Variants in REV1 observed in about 807,000 individuals in gnomAD.
The protein encoded by REV1 is REV1 DNA directed polymerase.
Under a neutral mutation model 137.4 loss-of-function variants are expected in REV1, and 42 were observed. That is an observed-to-expected ratio of 0.31 (90% CI 0.24 to 0.40). The LOEUF (loss-of-function observed/expected upper bound fraction) is 0.40, where lower values mean the gene tolerates loss of function less well. REV1 is among the 10% of genes least tolerant of loss of function. The pLI is 1.00. For missense variants in REV1, 1,282 were observed against 1,490.1 expected (o/e 0.86, Z 2.30); for synonymous variants, 524 against 519.2 (o/e 1.01, Z -0.12).
At chr2:99,475,157 G>T (rs1248972253) in intron 1 of REV1, among the ~76,000 whole-genome samples, 1 of 152,172 alleles carries the variant, frequency 6.6e-6, no homozygotes, top group Admixed American at 6.5e-5. Context: ...TGCCATGAGA[G>T]TACAAGGAAC....
chr2:99,408,725 C>CAG (rs1178042622), intron 14 of REV1, among the ~76,000 whole-genome samples: 1 of 152,212 alleles, frequency 6.6e-6, no homozygotes, highest in African/African-American at 2.4e-5. Context: ...CCATTTCCTT[C>CAG]AGAGCCTTTT....
At chr2:99,475,642 G>A (rs940819538) in intron 1 of REV1, among the ~76,000 whole-genome samples, 5 of 151,948 alleles carry the variant, frequency 3.3e-5, no homozygotes, top group African/African-American at 7.2e-5. Context: ...AGCCGAGATT[G>A]AGCCACTGTA....
At chr2:99,441,980 G>A (rs923330995) in intron 5 of REV1, among the ~76,000 whole-genome samples, 7 of 152,078 alleles carry the variant, frequency 4.6e-5, no homozygotes, top group Admixed American at 2.6e-4. Context: ...GTGGCCAGGC[G>A]TGGTGGCTCA....
intron 12 of REV1, among the ~76,000 whole-genome samples, chr2:99,414,329 C>A (rs1677567669): frequency 6.6e-6 from 1 of 152,082 alleles, no homozygotes. Flanking sequence ...AAGTTTAAAC[C>A]CAGACACTTT....
rs534193530 is a variant in REV1 at position 99,409,770 on chromosome 2, G to A, written c.2345+925C>T. Among the ~76,000 whole-genome samples the A allele has an allele frequency of 1.2e-3, 179 of 150,652 alleles. 1 individual carries two copies. Among genetic ancestry groups the A allele is most frequent in the Non-Finnish European group, 2.3e-3 (153 of 67,734 alleles). ...AGACAGGAGGATTGCTTGAACCCAG[G>A]AGGTAGAAGTTGCAATGAGCCGAGA... On this transcript the variant is annotated intron_variant, in intron 14 of 22. Transcript: ENST00000258428.
At chr2:99,402,527 T>C in intron 21 of REV1, 117 bp downstream of exon 21, 1 of 1,097,472 alleles carries the variant, frequency 9.1e-7, no homozygotes, top group Non-Finnish European at 1.3e-6. Flanking sequence ...GTAGCTGCTT[T>C]AAGCTTATCA....
rs143534521 is a variant in REV1 at position 99,402,898 on chromosome 2, C to G, written c.3375G>C (p.Glu1125Asp). 22 of 1,613,564 alleles carry G rather than the reference C, an allele frequency of 1.4e-5. 1 individual carries two copies. The highest frequency in any genetic ancestry group is 9.9e-5 in the South Asian group (9 of 90,974). ...AAAGTTAAGGAATTACCAGGGGTTT[C>G]TCTGCAGGAGGTCCTTCATGTTTTA... ...GFLKHEGPPA[E>D]KPLEELSAST... is the part of the protein sequence containing the mutation. The change falls in exon 20 of 23, where the codon GAG becomes GAC. Residue 1125 changes from glutamate to aspartate, a missense_variant. Around this residue, in one of 7 missense-constraint regions of REV1, gnomAD observed 170 missense variants for 156.8 expected, o/e 1.08. Coordinates refer to ENST00000258428, the MANE Select transcript of REV1 (RefSeq NM_016316.4).
chr2:99,469,893 G>A (rs567583868), intron 1 of REV1, among the ~76,000 whole-genome samples: 28 of 151,864 alleles, frequency 1.8e-4, no homozygotes, highest in East Asian at 3.9e-4. Context: ...GGGCCGAGGC[G>A]GGCAGATCAC....
chr2:99,473,141 A>C (rs1685596238), intron 1 of REV1, among the ~76,000 whole-genome samples: 1 of 152,106 alleles, frequency 6.6e-6, no homozygotes, highest in Non-Finnish European at 1.5e-5. Context: ...TGAGGTGGGC[A>C]GATCATTTGA....
chr2:99,438,584 T>G lies in REV1; in HGVS notation c.1213+17A>C, dbSNP rs1167690182. The G allele has an allele frequency of 1.3e-6, 2 of 1,580,048 alleles. No individual in the cohort carries two copies. Among genetic ancestry groups the G allele is most frequent in the East Asian group, 4.5e-5 (2 of 44,726 alleles). On this transcript the variant is annotated intron_variant, in intron 6 of 22. Transcript: ENST00000258428. Reference sequence around the variant, plus strand: ...GCATGACTGTTTCTTAAGAAGACAATTTTAATAAGTATCTACCTGTGTCAG... The same window carrying G: ...GCATGACTGTTTCTTAAGAAGACAAGTTTAATAAGTATCTACCTGTGTCAG...
intron 1 of REV1, among the ~76,000 whole-genome samples, chr2:99,475,528 C>A (rs2105272637): frequency 6.6e-6 from 1 of 152,230 alleles, no homozygotes; most frequent in South Asian, 2.1e-4. Flanking sequence ...TGAAGAGGTA[C>A]ATCTACTTTT....
Position 99,406,449 on chromosome 2 carries a change from G to T in REV1, c.2490C>A (p.Asn830Lys), listed in dbSNP as rs139955165. The change falls in exon 16 of 23, where the codon AAC becomes AAA. Residue 830 changes from asparagine to lysine, a missense_variant. Asn to Lys is a moderately conservative substitution (Grantham distance 94). Coordinates refer to ENST00000258428, the MANE Select transcript of REV1 (RefSeq NM_016316.4). ...ATGGGCGACTGGGACATGTGGAAGG[G>T]TTCAGATTAGTTGGAACCAACTGAT... Reference protein sequence around the residue: ...HVNQLVPTNLNPSTCPSRPSV... With the variant: ...HVNQLVPTNLKPSTCPSRPSV... 9.9e-6 allele frequency: 16 copies of T among 1,612,932 alleles called. No individual in the cohort carries two copies. The highest frequency in any genetic ancestry group is 1.3e-5 in the African/African-American group (1 of 74,850).
At chr2:99,424,678 C>T in intron 9 of REV1, 1 of 1,112,428 alleles carries the variant, frequency 9.0e-7, no homozygotes, top group South Asian at 1.5e-5. Context: ...CACAGTTTGG[C>T]CAGGGTTCAT....
chr2:99,474,810 G>C (rs1462722685), intron 1 of REV1, among the ~76,000 whole-genome samples: 1 of 151,926 alleles, frequency 6.6e-6, no homozygotes, highest in Non-Finnish European at 1.5e-5. Flanking sequence ...ACTGAGGCAC[G>C]ACAATCACTT....
At chr2:99,467,567 G>T (rs1684945135) in intron 1 of REV1, among the ~76,000 whole-genome samples, 1 of 152,152 alleles carries the variant, frequency 6.6e-6, no homozygotes, top group Non-Finnish European at 1.5e-5. Flanking sequence ...TAGAAGAGTG[G>T]CTGGGAGACT....
At chr2:99,422,682 T>C (rs972817712) in intron 10 of REV1, among the ~76,000 whole-genome samples, 16 of 152,192 alleles carry the variant, frequency 1.1e-4, no homozygotes, top group African/African-American at 2.2e-4. Context: ...CCAAGGGTGG[T>C]AGAAGAACAC....
rs377417310 is a variant in REV1, at chr2:99,484,787, C to G, written c.-11+5030G>C. ...ATAATGAGATAAATTTAACGGCAAG[C>G]TTCCAAACAAAAACCTTGTCATTTT... On this transcript the variant is annotated intron_variant, in intron 1 of 22. Transcript: ENST00000258428. 8.5e-5 allele frequency among the ~76,000 whole-genome samples: 13 copies of G among 152,132 alleles called. No individual in the cohort carries two copies. The South Asian group carries it at 2.5e-3, about 29-fold the overall frequency.
intron 14 of REV1, among the ~76,000 whole-genome samples, chr2:99,409,264 C>T (rs1401592922): frequency 6.6e-6 from 1 of 152,078 alleles, no homozygotes; most frequent in African/African-American, 2.4e-5. Context: ...ATTTATAATT[C>T]CTGCTTTCAT....
chr2:99,466,558 T>C (rs1194800322), intron 1 of REV1, among the ~76,000 whole-genome samples: 2 of 152,228 alleles, frequency 1.3e-5, no homozygotes, highest in African/African-American at 2.4e-5. Flanking sequence ...TATTTTCTTA[T>C]GAATATTTTT....
Sources: allele counts gnomAD v4.1 joint callset (sites outside exome capture counted in the v4.1 genomes callset), GRCh38; gene constraint gnomAD v4.1.1; regional missense constraint gnomAD v4.1.1; transcripts MANE v1.5; gene names NCBI Gene and HGNC (gene_info 2026-07-23, HGNC 2026-07-21).